Variants in C11orf65 observed in about 807,000 individuals in gnomAD.
The protein encoded by C11orf65 is protein MFI.
C11orf65 carries 38 observed loss-of-function variants against 35.3 expected under a neutral mutation model. The ratio of observed to expected loss-of-function variants is 1.08; its 90% confidence interval spans 0.83 to 1.41. The LOEUF is 1.41. C11orf65 is among the 40% of genes most tolerant of loss of function. C11orf65 has a pLI of 0.00. For synonymous variants in C11orf65, 105 were observed against 114.4 expected (o/e 0.92, Z 0.53); for missense variants, 370 against 367.1 (o/e 1.01, Z -0.06).
At chr11:108,442,185 G>C (rs1423421619) in intron 2 of C11orf65, among the ~76,000 whole-genome samples, 2 of 152,166 alleles carry the variant, frequency 1.3e-5, no homozygotes, top group Non-Finnish European at 2.9e-5. Flanking sequence ...GCATGCACAA[G>C]CTTCAGTACC....
intron 2 of C11orf65, among the ~76,000 whole-genome samples, chr11:108,455,574 T>C (rs1034802311): frequency 3.3e-5 from 5 of 151,916 alleles, no homozygotes; most frequent in African/African-American, 9.7e-5. Context: ...TCCCAGCACT[T>C]TGGGAGGTCG....
intron 2 of C11orf65, chr11:108,367,271 G>C (rs781777385): frequency 5.5e-6 from 1 of 180,434 alleles, no homozygotes; most frequent in Non-Finnish European, 1.2e-5. Context: ...ACAGGTGTGA[G>C]CCACCGCGCC....
downstream of C11orf65, among the ~76,000 whole-genome samples, chr11:108,326,903 G>A (rs905949707): frequency 2.4e-4 from 36 of 152,120 alleles, no homozygotes; most frequent in African/African-American, 8.2e-4. Context: ...TCGGCTCACC[G>A]CAACCTCCAC....
In C11orf65 at chr11:108,315,991, T is replaced by G. The variant is rs746766702; in HGVS notation, c.641-6920A>C. On this transcript the variant is annotated intron_variant, in intron 6 of 6. Transcript: ENST00000525729. ...TGTGTGTGTAAAACCCAAAGCTATT[T>G]TCACAATCTTTTCTTATAGACTACG... 3 of 1,613,298 alleles carry G rather than the reference T, an allele frequency of 1.9e-6. No individual in the cohort carries two copies. The Admixed American group carries it at 5.0e-5, about 27-fold the overall frequency.
intron 2 of C11orf65, chr11:108,345,634 T>C (rs551577160): frequency 1.3e-5 from 11 of 871,958 alleles, no homozygotes; most frequent in South Asian, 2.0e-5. Context: ...TAATGTATCC[T>C]GTTCATCTTT....
chr11:108,338,335 G>A (rs768584205), intron 2 of C11orf65, among the ~76,000 whole-genome samples: 19 of 152,160 alleles, frequency 1.2e-4, no homozygotes, highest in Non-Finnish European at 1.6e-4. Flanking sequence ...CTGGGTGACA[G>A]ACCGAGACTT....
At chr11:108,355,957 C>T (rs186485803) in intron 2 of C11orf65, 2 of 152,292 alleles carry the variant, frequency 1.3e-5, no homozygotes, top group East Asian at 3.9e-4. Flanking sequence ...GATTTTGCTA[C>T]AAGGAGTTTG....
Position 108,310,322 on chromosome 11 carries a change from G to A in C11orf65, c.641-1251C>T, listed in dbSNP as rs1423323603. ...TGGATGATCAAGAGAAAAGGTAATG[G>A]AATTTAGAATTTTTGGTTTTTAAAA... On this transcript the variant is annotated intron_variant, in intron 6 of 6. Transcript: ENST00000525729. 2 of 1,611,242 alleles carry A rather than the reference G, an allele frequency of 1.2e-6. No individual in the cohort carries two copies. Among genetic ancestry groups the A allele is most frequent in the African/African-American group, 1.3e-5 (1 of 74,824 alleles).
intron 6 of C11orf65, among the ~76,000 whole-genome samples, chr11:108,405,218 CTT>C (rs557415984): frequency 3.7e-4 from 57 of 152,286 alleles, no homozygotes; most frequent in Admixed American, 3.6e-3. Context: ...ACAAGCCTCT[CTT>C]GGTGTGTAGG....
At chr11:108,332,371 G>A (rs2086356488) in intron 3 of C11orf65, among the ~76,000 whole-genome samples, 1 of 152,166 alleles carries the variant, frequency 6.6e-6, no homozygotes, top group Non-Finnish European at 1.5e-5. Context: ...GGCGGAGGTT[G>A]CAGTGAGCCA....
intron 2 of C11orf65, among the ~76,000 whole-genome samples, chr11:108,439,759 T>C (rs2093120679): frequency 6.6e-6 from 1 of 151,980 alleles, no homozygotes; most frequent in Non-Finnish European, 1.5e-5. Flanking sequence ...GTACCTAAAA[T>C]AGGAAAATTC....
At chr11:108,442,394 A>C (rs1317893145) in intron 2 of C11orf65, among the ~76,000 whole-genome samples, 1 of 152,184 alleles carries the variant, frequency 6.6e-6, no homozygotes, top group Non-Finnish European at 1.5e-5. Flanking sequence ...AAGTTGGAAA[A>C]CACTCTTAAG....
intron 2 of C11orf65, among the ~76,000 whole-genome samples, chr11:108,443,049 T>A (rs1218789979): frequency 1.3e-5 from 2 of 152,082 alleles, no homozygotes; most frequent in African/African-American, 2.4e-5. Flanking sequence ...TCAAGACCCA[T>A]CACTGTGCTG....
chr11:108,466,727 T>A (rs1012748068), intron 1 of C11orf65, among the ~76,000 whole-genome samples: 1 of 152,248 alleles, frequency 6.6e-6, no homozygotes, highest in Admixed American at 6.5e-5. Context: ...AAATTTTTTA[T>A]CATAATAGAT....
chr11:108,384,328 T>C (rs934299881), intron 8 of C11orf65, among the ~76,000 whole-genome samples: 17 of 152,176 alleles, frequency 1.1e-4, no homozygotes, highest in African/African-American at 3.9e-4. Flanking sequence ...ATGCTAAGGA[T>C]GGCTCATATT....
At chr11:108,336,035 G>A in intron 2 of C11orf65, 1 of 1,155,934 alleles carries the variant, frequency 8.7e-7, no homozygotes, top group Non-Finnish European at 1.3e-6. Flanking sequence ...AGTGGCTCAT[G>A]CCCATATTCA....
chr11:108,426,588 G>A (rs2092905992), intron 3 of C11orf65, among the ~76,000 whole-genome samples: 1 of 152,034 alleles, frequency 6.6e-6, no homozygotes, highest in African/African-American at 2.4e-5. Context: ...GTAATTTATA[G>A]ATTCTATGCT....
chr11:108,330,210 C>T (rs2136450957), downstream of C11orf65: 1 of 1,612,922 alleles, frequency 6.2e-7, no homozygotes, highest in Non-Finnish European at 8.5e-7. Flanking sequence ...TTATTCTATG[C>T]AAGATACACA....
At chr11:108,356,936 G>A (rs1451637455) in intron 2 of C11orf65, among the ~76,000 whole-genome samples, 1 of 152,194 alleles carries the variant, frequency 6.6e-6, no homozygotes, top group African/African-American at 2.4e-5. Flanking sequence ...CCTCCGGGAG[G>A]AGGAGCCAAG....
Sources: gnomAD v4.1 joint callset for allele counts (sites outside exome capture counted in the v4.1 genomes callset) on GRCh38, gnomAD v4.1.1 for gene constraint, MANE v1.5 for transcripts, NCBI Gene and HGNC (gene_info 2026-07-23, HGNC 2026-07-21) for gene names.